Variants in MDGA2 observed in about 807,000 individuals in gnomAD.
MDGA2 encodes the protein MAM domain containing glycosylphosphatidylinositol anchor 2.
A neutral mutation model predicts 117.8 loss-of-function variants in MDGA2; 40 were observed. The ratio of observed to expected loss-of-function variants is 0.34; its 90% confidence interval spans 0.26 to 0.44. The LOEUF is 0.44. MDGA2 is among the 20% of genes least tolerant of loss of function. The pLI is 1.00. For synonymous variants in MDGA2, 452 were observed against 439.0 expected (o/e 1.03, Z -0.37); for missense variants, 1,123 against 1,250.6 (o/e 0.90, Z 1.54).
At chr14:47,414,717 C>G (rs1240839685) in intron 1 of MDGA2, among the ~76,000 whole-genome samples, 3 of 152,044 alleles carry the variant, frequency 2.0e-5, no homozygotes, top group African/African-American at 7.2e-5. Flanking sequence ...CTGTATATAT[C>G]ACTACTATGT....
At chr14:47,519,441 G>C (rs1309433286) in intron 1 of MDGA2, among the ~76,000 whole-genome samples, 1 of 151,986 alleles carries the variant, frequency 6.6e-6, no homozygotes, top group African/African-American at 2.4e-5. Context: ...TTTGTATACA[G>C]CATATGACTC....
intron 1 of MDGA2, among the ~76,000 whole-genome samples, chr14:47,644,879 A>G (rs1897496239): frequency 6.6e-6 from 1 of 152,142 alleles, no homozygotes; most frequent in Non-Finnish European, 1.5e-5. Flanking sequence ...ATATATATCT[A>G]TCTTAAAATA....
rs750876375 is a variant in MDGA2 at position 47,061,237 on chromosome 14, T to C, written c.1525+12A>G. On this transcript the variant is annotated intron_variant, in intron 7 of 16. Transcript: ENST00000399232. ...GTGAACATCTTTTACATCATAAATA[T>C]ATGCCTCTTACCTGTGCTGCTGGAT... 5 of 1,595,944 alleles carry C rather than the reference T, an allele frequency of 3.1e-6. No individual in the cohort carries two copies. The highest frequency in any genetic ancestry group is 4.3e-6 in the Non-Finnish European group (5 of 1,165,346).
chr14:47,283,601 C>T (rs886414277), intron 2 of MDGA2, among the ~76,000 whole-genome samples: 1 of 152,124 alleles, frequency 6.6e-6, no homozygotes, highest in African/African-American at 2.4e-5. Context: ...AAGAGAGAAA[C>T]AATTATGCAT....
chr14:47,121,702 T>C (rs1374070966), intron 5 of MDGA2, among the ~76,000 whole-genome samples: 2 of 152,072 alleles, frequency 1.3e-5, no homozygotes, highest in African/African-American at 2.4e-5. Flanking sequence ...ACAATATCTG[T>C]AGTGAGGTAT....
intron 1 of MDGA2, among the ~76,000 whole-genome samples, chr14:47,518,652 G>C (rs531168289): frequency 1.3e-5 from 2 of 151,868 alleles, no homozygotes; most frequent in African/African-American, 4.8e-5. Context: ...ATCTTTATAG[G>C]GAAACATTTT....
chr14:46,856,841 C>T (rs1881286403), intron 14 of MDGA2, among the ~76,000 whole-genome samples: 1 of 151,868 alleles, frequency 6.6e-6, no homozygotes, highest in Non-Finnish European at 1.5e-5. Context: ...ACTGACTTAA[C>T]TTTATCTCCT....
rs555188813 is a variant in MDGA2 at position 47,595,739 on chromosome 14, G to A, written c.280+78778C>T. Among the ~76,000 whole-genome samples, 7 of 152,218 alleles carry A rather than the reference G, an allele frequency of 4.6e-5. No individual in the cohort carries two copies. In the East Asian group the frequency reaches 1.4e-3, roughly 29 times the overall value. On this transcript the variant is annotated intron_variant, in intron 1 of 16. Coordinates refer to ENST00000399232, the MANE Select transcript of MDGA2 (RefSeq NM_001113498.3). The stretch of plus-strand genomic sequence containing the variant: ...TGTTTATTACCTGGAATGAGTCACT[G>A]GGAAAGTGCCCACTCTAGGCAAGGG...
chr14:47,472,519 G>A (rs1950384), intron 1 of MDGA2, among the ~76,000 whole-genome samples: 42,399 of 152,018 alleles, frequency 0.28, 6,288 homozygotes, highest in South Asian at 0.52. Flanking sequence ...CCACTGTCTC[G>A]TGGGACCACA....
At chr14:47,060,174 C>T (rs924013289) in intron 7 of MDGA2, among the ~76,000 whole-genome samples, 6 of 151,998 alleles carry the variant, frequency 3.9e-5, no homozygotes, top group Non-Finnish European at 7.4e-5. Context: ...TTTCATCACC[C>T]TAATTTCCTT....
intron 1 of MDGA2, among the ~76,000 whole-genome samples, chr14:47,577,171 A>C (rs1896131598): frequency 6.6e-6 from 1 of 152,094 alleles, no homozygotes; most frequent in South Asian, 2.1e-4. Context: ...AAGCTGCTTG[A>C]CAATGGGGAA....
chr14:47,576,027 T>G (rs1040865611), intron 1 of MDGA2, among the ~76,000 whole-genome samples: 1 of 152,138 alleles, frequency 6.6e-6, no homozygotes, highest in African/African-American at 2.4e-5. Context: ...TACATCATGT[T>G]TGCTTCCTCC....
intron 15 of MDGA2, among the ~76,000 whole-genome samples, chr14:46,849,619 C>T (rs190984050): frequency 6.8e-4 from 103 of 151,752 alleles, no homozygotes; most frequent in Non-Finnish European, 4.1e-4. Context: ...TCTTTGCTGA[C>T]GTTTTCTAGA....
At chr14:47,010,038 A>G (rs1333002990) in intron 8 of MDGA2, among the ~76,000 whole-genome samples, 1 of 151,976 alleles carries the variant, frequency 6.6e-6, no homozygotes, top group East Asian at 1.9e-4. Flanking sequence ...AAGAGTTCTG[A>G]TTACTCCTTC....
chr14:47,374,671 T>C (rs1201431627), intron 1 of MDGA2, among the ~76,000 whole-genome samples: 3 of 152,086 alleles, frequency 2.0e-5, no homozygotes, highest in African/African-American at 7.2e-5. Context: ...AGGAGTATTA[T>C]ACAAGAGCAA....
At chr14:47,224,557 ATT>A (rs1478275860) in intron 2 of MDGA2, among the ~76,000 whole-genome samples, 1 of 152,152 alleles carries the variant, frequency 6.6e-6, no homozygotes, top group Non-Finnish European at 1.5e-5. Context: ...GCTCCTTTCT[ATT>A]GTTTGCCAAG....
chr14:47,107,797 T>G (rs537589217), intron 5 of MDGA2, among the ~76,000 whole-genome samples: 5 of 151,036 alleles, frequency 3.3e-5, no homozygotes, highest in Admixed American at 6.6e-5. Context: ...CAACTTGACC[T>G]TACTGTTTTA....
chr14:47,305,043 T>A (rs12433300), intron 1 of MDGA2, among the ~76,000 whole-genome samples: 41,743 of 152,050 alleles, frequency 0.27, 6,571 homozygotes, highest in Admixed American at 0.47. Flanking sequence ...CTGAGCATCA[T>A]TTTTGGCATC....
chr14:47,248,521 TA>T (rs939237185), intron 2 of MDGA2, among the ~76,000 whole-genome samples: 1 of 151,790 alleles, frequency 6.6e-6, no homozygotes, highest in Non-Finnish European at 1.5e-5. Flanking sequence ...TTATATTTTT[TA>T]AAAGTTATGT....
Sources: allele counts gnomAD v4.1 joint callset (sites outside exome capture counted in the v4.1 genomes callset), GRCh38; gene constraint gnomAD v4.1.1; transcripts MANE v1.5; gene names NCBI Gene and HGNC (gene_info 2026-07-23, HGNC 2026-07-21).